STAMBP: variants seen among roughly 807,000 people sequenced by gnomAD.
STAMBP encodes the protein STAM-binding protein.
Under a neutral mutation model 50.7 loss-of-function variants are expected in STAMBP, and 31 were observed. That is an observed-to-expected ratio of 0.61 (90% CI 0.46 to 0.83). The LOEUF (loss-of-function observed/expected upper bound fraction) is 0.83. STAMBP is among the 40% of genes least tolerant of loss of function. STAMBP has a pLI of 0.00. For synonymous variants in STAMBP, 211 were observed against 192.4 expected (o/e 1.10, Z -0.80); for missense variants, 472 against 518.9 (o/e 0.91, Z 0.88).
chr2:73,839,802 C>T (rs1192026824), intron 2 of STAMBP, among the ~76,000 whole-genome samples: 1 of 152,166 alleles, frequency 6.6e-6, no homozygotes, highest in African/African-American at 2.4e-5. Context: ...TTCCTTAAAG[C>T]ATCAATGGGA....
At position 73,843,404 on chromosome 2, in the gene STAMBP, A is replaced by G. The variant is rs1230200066; in HGVS notation, c.204-1409A>G. On this transcript the variant is annotated intron_variant, in intron 2 of 9. Coordinates refer to ENST00000394070, the MANE Select transcript of STAMBP (RefSeq NM_213622.4). ...TATGTTTTGTTATATATGTTTGTGTATGTATATATATATATGTATATATAT... is the reference window on the plus strand; with the variant it reads ...TATGTTTTGTTATATATGTTTGTGTGTGTATATATATATATGTATATATAT... Among the ~76,000 whole-genome samples, 7 of 128,092 alleles carry G rather than the reference A, an allele frequency of 5.5e-5. No homozygotes were observed. In the East Asian group the frequency reaches 1.1e-3, roughly 20 times the overall value. The allele number at this position is 128,092 out of a possible 152,430, so 84.0% of individuals were successfully genotyped here.
intron 2 of STAMBP, among the ~76,000 whole-genome samples, chr2:73,831,532 A>C (rs1461781725): frequency 6.6e-6 from 1 of 152,202 alleles, no homozygotes; most frequent in Non-Finnish European, 1.5e-5. Flanking sequence ...AACTGCCTAC[A>C]GTTTGTGTGG....
rs572645002 is a variant in STAMBP at position 73,843,422 on chromosome 2, A to G, written c.204-1391A>G. ...TTTGTGTATGTATATATATATATGT[A>G]TATATATATATAAATTAAAAAATAT... On this transcript the variant is annotated intron_variant, in intron 2 of 9. Transcript: ENST00000394070. 7.6e-5 allele frequency among the ~76,000 whole-genome samples: 11 copies of G among 145,484 alleles called. No homozygotes were observed. In the South Asian group the frequency reaches 8.5e-4, roughly 11 times the overall value.
chr2:73,833,591 C>G (rs1019117965), intron 2 of STAMBP, among the ~76,000 whole-genome samples: 1 of 152,072 alleles, frequency 6.6e-6, no homozygotes, highest in African/African-American at 2.4e-5. Flanking sequence ...GGGCACAATT[C>G]CTTTGGAGAA....
At chr2:73,843,414 A>ATATATATATATATATC (rs1311506343) in intron 2 of STAMBP, among the ~76,000 whole-genome samples, 17 of 138,168 alleles carry the variant, frequency 1.2e-4, no homozygotes, top group African/African-American at 4.5e-4. Context: ...ATGTATATAT[A>ATATATATATATATATC]TATATGTATA....
At chr2:73,832,181 G>A (rs575160193) in intron 2 of STAMBP, among the ~76,000 whole-genome samples, 14 of 149,204 alleles carry the variant, frequency 9.4e-5, no homozygotes, top group Non-Finnish European at 1.3e-4. Context: ...TTGGCCAGGC[G>A]CAGTGGCTCT....
intron 9 of STAMBP, among the ~76,000 whole-genome samples, chr2:73,861,652 G>A (rs1447411908): frequency 1.3e-5 from 2 of 151,314 alleles, no homozygotes; most frequent in East Asian, 3.9e-4. Context: ...TCGAGTAGCT[G>A]GGACTACAGG....
At chr2:73,845,100 A>C in intron 3 of STAMBP, 67 bp from the exon 4 acceptor site, 5 of 1,594,400 alleles carry the variant, frequency 3.1e-6, no homozygotes, top group Non-Finnish European at 4.3e-6. Context: ...AACTTGACTT[A>C]AGTCTTCTTT....
In STAMBP at chr2:73,847,683, T is replaced by C. The variant is rs1312940568; in HGVS notation, c.672T>C (p.Thr224=). 4 of 1,614,192 alleles carry C rather than the reference T, an allele frequency of 2.5e-6. No homozygotes were observed. The South Asian group carries it at 4.4e-5, about 18-fold the overall frequency. Residue 224 remains threonine, a synonymous_variant, in exon 5 of 10, where the codon ACT becomes ACC. Transcript: ENST00000394070. ...TACAGCCTTCAGACTGTCACACAAC[T>C]GTAAGGCCAGCTAAGCCACCTGTGG... is the stretch of plus-strand genomic sequence containing the variant. The part of the protein sequence containing the change: ...SSIQPSDCHT[T]VRPAKPPVVD...
rs547933051 is a variant in STAMBP, at chr2:73,830,848, T to G, written c.-9T>G. The G allele has an allele frequency of 6.2e-7, 1 of 1,611,916 alleles. No individual in the cohort carries two copies. The highest frequency in any genetic ancestry group is 1.1e-5 in the South Asian group (1 of 90,918). On this transcript the variant is annotated 5_prime_UTR_variant, in exon 2 of 10. Transcript: ENST00000394070. ...CCATCTGTTTTTTCTGTCTCAGAAC[T>G]TGGTCCTGATGTCTGACCATGGAGA...
chr2:73,872,897 C>T (rs1463009414), intron 10 of STAMBP, among the ~76,000 whole-genome samples: 1 of 152,132 alleles, frequency 6.6e-6, no homozygotes, highest in Non-Finnish European at 1.5e-5. Context: ...AACACGTAAA[C>T]CGTGATTACT....
In STAMBP at chr2:73,863,562, A is replaced by G. The variant is rs922910757; in HGVS notation, c.*1303A>G. On this transcript the variant is annotated 3_prime_UTR_variant, in exon 10 of 10. Transcript: ENST00000394070. The stretch of plus-strand genomic sequence containing the variant: ...GTCCCCTGAAAGAGCCCAGTTCTCT[A>G]TATTCTTTTTCTTCTCTTGGGTTCT... 6.6e-6 allele frequency: 1 copy of G among 152,206 alleles called. No homozygotes were observed. The highest frequency in any genetic ancestry group is 2.1e-4 in the South Asian group (1 of 4,812). 9.4% of individuals were successfully genotyped at this position (152,206 alleles called of 1,614,324 possible). A position where few individuals can be genotyped will look rare whatever the true frequency, so the allele number is the denominator to read the frequency against.
At chr2:73,847,825 T>G (rs1208160606) in intron 5 of STAMBP, 72 bp downstream of exon 5, 1 of 1,525,714 alleles carries the variant, frequency 6.6e-7, no homozygotes, top group South Asian at 1.3e-5. Flanking sequence ...GGGGTCAACC[T>G]AAGATTACCT....
At chr2:73,843,398 T>TTGTG (rs1675663914) in intron 2 of STAMBP, among the ~76,000 whole-genome samples, 1 of 127,050 alleles carries the variant, frequency 7.9e-6, no homozygotes, top group African/African-American at 3.8e-5. Flanking sequence ...TTATATATGT[T>TTGTG]TGTGTATGTA....
chr2:73,865,021 C>T lies in STAMBP; in HGVS notation c.*2762C>T, dbSNP rs1051759606. The T allele has an allele frequency of 2.6e-5, 4 of 152,206 alleles. No homozygotes were observed. Among genetic ancestry groups the T allele is most frequent in the Non-Finnish European group, 4.4e-5 (3 of 68,042 alleles). 9.4% of individuals were successfully genotyped at this position (152,206 alleles called of 1,614,324 possible). On this transcript the variant is annotated 3_prime_UTR_variant, in exon 10 of 10. Coordinates refer to ENST00000394070, the MANE Select transcript of STAMBP (RefSeq NM_213622.4). ...AAAGGCAGCATGAGAGAAACATTCC[C>T]TTGGGCCAGTGTCATGGTGGATTTT...
chr2:73,863,274 A>G lies in STAMBP; in HGVS notation c.*1015A>G, dbSNP rs553952255. 2.0e-5 allele frequency: 3 copies of G among 152,208 alleles called. No homozygotes were observed. In the East Asian group the frequency reaches 5.8e-4, roughly 29 times the overall value. The allele number at this position is 152,208 out of a possible 1,614,324, so 9.4% of individuals were successfully genotyped here. A position where few individuals can be genotyped will look rare whatever the true frequency, so the allele number is the denominator to read the frequency against. The stretch of plus-strand genomic sequence containing the variant: ...GCTGTTCTTTTCTGACTAAGGCAAT[A>G]CCTAGGAAAACGCTTGAAGCAGCAA... On this transcript the variant is annotated 3_prime_UTR_variant, in exon 10 of 10. Transcript: ENST00000394070.
chr2:73,851,423 C>G (rs144396289), intron 7 of STAMBP, among the ~76,000 whole-genome samples: 1 of 152,140 alleles, frequency 6.6e-6, no homozygotes, highest in Non-Finnish European at 1.5e-5. Context: ...TGGGGCAGAA[C>G]GTGCTAAAGG....
chr2:73,861,131 T>C (rs1168230852), intron 9 of STAMBP, among the ~76,000 whole-genome samples: 1 of 152,178 alleles, frequency 6.6e-6, no homozygotes, highest in Non-Finnish European at 1.5e-5. Context: ...AGTGCCCATG[T>C]TTTCAGTTAT....
rs1678522154 is a variant in STAMBP, at chr2:73,863,048, C to T, written c.*789C>T. On this transcript the variant is annotated 3_prime_UTR_variant, in exon 10 of 10. Transcript: ENST00000394070. ...TTAATTACTCCTTGTTTTTTATCTGCCTGTTGCCATCTTCCAGAGGTGTTG... is the reference window on the plus strand; with the variant it reads ...TTAATTACTCCTTGTTTTTTATCTGTCTGTTGCCATCTTCCAGAGGTGTTG... 6.6e-6 allele frequency: 1 copy of T among 152,140 alleles called. No homozygotes were observed. The highest frequency in any genetic ancestry group is 6.5e-5 in the Admixed American group (1 of 15,270). The allele number at this position is 152,140 out of a possible 1,614,324, so 9.4% of individuals were successfully genotyped here.
Sources: gnomAD v4.1 joint callset for allele counts (sites outside exome capture counted in the v4.1 genomes callset) on GRCh38, gnomAD v4.1.1 for gene constraint, MANE v1.5 for transcripts, NCBI Gene and HGNC (gene_info 2026-07-23, HGNC 2026-07-21) for gene names.